The following SRFBP1 variants were observed in gnomAD, a reference collection of about 807,000 sequenced individuals.
The protein encoded by SRFBP1 is serum response factor binding protein 1.
Under a neutral mutation model 45.5 loss-of-function variants are expected in SRFBP1, and 47 were observed. The observed-to-expected ratio is 1.03, with a 90% CI of 0.82 to 1.32. SRFBP1 has a LOEUF of 1.32. SRFBP1 is among the 40% of genes most tolerant of loss of function. The pLI is 0.00. For synonymous variants in SRFBP1, 203 were observed against 166.3 expected (o/e 1.22, Z -1.70); for missense variants, 621 against 484.6 (o/e 1.28, Z -2.64).
chr5:121,983,283 T>C (rs1752448970), intron 3 of SRFBP1, among the ~76,000 whole-genome samples: 1 of 151,790 alleles, frequency 6.6e-6, no homozygotes, highest in South Asian at 2.1e-4. Flanking sequence ...GGCTGTCTGT[T>C]CGATTTATTT....
chr5:122,060,187 A>G (rs1267458075), intron 2 of SRFBP1, among the ~76,000 whole-genome samples: 1 of 152,072 alleles, frequency 6.6e-6, no homozygotes, highest in Non-Finnish European at 1.5e-5. Context: ...TTCTGGAGAG[A>G]AAGTCAGGCC....
intron 2 of SRFBP1, among the ~76,000 whole-genome samples, chr5:122,054,938 A>T: frequency 6.6e-6 from 1 of 152,154 alleles, no homozygotes; most frequent in East Asian, 1.9e-4. Flanking sequence ...TACCACCCAA[A>T]TCGTTGTGGG....
downstream of SRFBP1, chr5:122,077,772 G>A: frequency 6.5e-7 from 1 of 1,549,558 alleles, no homozygotes; most frequent in Non-Finnish European, 8.7e-7. This position sits in a 1 kb window ranked among gnomAD's most constrained non-coding sequence, Gnocchi z 4.9. Context: ...GCGGCGCCCG[G>A]GTCCCGGCGG....
intron 2 of SRFBP1, among the ~76,000 whole-genome samples, chr5:122,067,431 T>A (rs936051584): frequency 6.6e-6 from 1 of 152,112 alleles, no homozygotes. Context: ...CCTATTCAAC[T>A]ATTTACTGGG....
At chr5:122,070,683 G>T in intron 2 of SRFBP1, 1 of 631,688 alleles carries the variant, frequency 1.6e-6, no homozygotes, top group Non-Finnish European at 2.8e-6. Context: ...TTTTAAGTTA[G>T]TACTTACAAG....
chr5:121,966,843 G>C (rs1387147963), intron 1 of SRFBP1, among the ~76,000 whole-genome samples: 1 of 151,232 alleles, frequency 6.6e-6, no homozygotes, highest in Non-Finnish European at 1.5e-5. Flanking sequence ...GCAGTGGCAG[G>C]ATCTTGGCTC....
chr5:122,078,115 C>G, downstream of SRFBP1: 1 of 832,364 alleles, frequency 1.2e-6, no homozygotes, highest in Non-Finnish European at 1.7e-6. Context: ...GTATCTCAGT[C>G]TCCACCAAGC....
intron 4 of SRFBP1, among the ~76,000 whole-genome samples, chr5:122,000,732 A>G (rs990803258): frequency 2.6e-5 from 4 of 152,160 alleles, no homozygotes; most frequent in Middle Eastern, 3.4e-3. Context: ...TGAATTTGCT[A>G]TTTGTCCATC....
intron 2 of SRFBP1, chr5:122,074,264 T>C (rs1648536788): frequency 1.8e-6 from 2 of 1,100,564 alleles, no homozygotes; most frequent in South Asian, 1.7e-5. Context: ...CACAAATTTG[T>C]TTTCACATTA....
At chr5:122,041,582 A>G (rs539174926) in intron 2 of SRFBP1, among the ~76,000 whole-genome samples, 1 of 151,986 alleles carries the variant, frequency 6.6e-6, no homozygotes, top group Non-Finnish European at 1.5e-5. Context: ...TATTCATGTT[A>G]TAAATGTGAT....
At chr5:121,998,900 T>G (rs1044591900) in intron 4 of SRFBP1, among the ~76,000 whole-genome samples, 6 of 152,210 alleles carry the variant, frequency 3.9e-5, no homozygotes, top group African/African-American at 1.4e-4. Flanking sequence ...TGCTTCTTCC[T>G]TACTAATTCC....
chr5:122,007,818 T>C (rs554923849), intron 4 of SRFBP1, among the ~76,000 whole-genome samples: 1 of 152,168 alleles, frequency 6.6e-6, no homozygotes, highest in East Asian at 1.9e-4. Context: ...GCCTGGTGTT[T>C]GTGTCCAAGG....
At chr5:122,046,505 A>T (rs1463551793) in intron 2 of SRFBP1, among the ~76,000 whole-genome samples, 1 of 152,194 alleles carries the variant, frequency 6.6e-6, no homozygotes, top group Non-Finnish European at 1.5e-5. Context: ...CACAATAAAC[A>T]TACGTGTGCA....
chr5:122,006,925 G>A (rs1032292100), intron 4 of SRFBP1, among the ~76,000 whole-genome samples: 2 of 151,942 alleles, frequency 1.3e-5, no homozygotes, highest in South Asian at 2.1e-4. Context: ...CAGCTACTAG[G>A]ATATTATCCC....
intron 1 of SRFBP1, among the ~76,000 whole-genome samples, chr5:121,970,925 T>G (rs1752178459): frequency 6.6e-6 from 1 of 152,064 alleles, no homozygotes; most frequent in Non-Finnish European, 1.5e-5. Context: ...TAAAGGTACT[T>G]GTGACCCTCT....
intron 2 of SRFBP1, among the ~76,000 whole-genome samples, chr5:122,058,850 A>G (rs1466140208): frequency 1.3e-5 from 2 of 152,284 alleles, no homozygotes; most frequent in East Asian, 3.9e-4. Flanking sequence ...ATGGTACCTC[A>G]GTGAAATGAG....
At chr5:122,074,295 T>C in intron 2 of SRFBP1, 2 of 738,142 alleles carry the variant, frequency 2.7e-6, no homozygotes, top group Non-Finnish European at 4.4e-6. Flanking sequence ...CAAATTTATC[T>C]TCTAAAAGAG....
chr5:122,026,757 A>G (rs948501738), intron 7 of SRFBP1, among the ~76,000 whole-genome samples, 185 bp from the exon 8 acceptor site: 16 of 152,156 alleles, frequency 1.1e-4, no homozygotes, highest in African/African-American at 3.9e-4. Flanking sequence ...GTCAAAATTG[A>G]CTACTTGTAT....
At chr5:121,972,241 G>T (rs1020029833) in intron 1 of SRFBP1, among the ~76,000 whole-genome samples, 1 of 151,854 alleles carries the variant, frequency 6.6e-6, no homozygotes, top group Non-Finnish European at 1.5e-5. Context: ...ATGTGTAGTG[G>T]TATTTCTTAT....
Sources: gnomAD v4.1 joint callset for allele counts (sites outside exome capture counted in the v4.1 genomes callset) on GRCh38, gnomAD v4.1.1 for gene constraint, Gnocchi (gnomAD v3.1) non-coding constraint, MANE v1.5 for transcripts, NCBI Gene and HGNC (gene_info 2026-07-23, HGNC 2026-07-21) for gene names.